PTPRD: variants seen among roughly 807,000 people sequenced by gnomAD.
The protein encoded by PTPRD is receptor-type tyrosine-protein phosphatase delta.
Under a neutral mutation model 214.5 loss-of-function variants are expected in PTPRD, and 34 were observed. The ratio of observed to expected loss-of-function variants is 0.16; its 90% CI spans 0.12 to 0.21. The LOEUF (loss-of-function observed/expected upper bound fraction) is 0.21. Among genes scored for constraint, PTPRD ranks in the 10% least tolerant of loss-of-function variants. The probability of loss-of-function intolerance (pLI) is 1.00; values close to 1 mark genes in which losing one functional copy is unlikely to be tolerated. For missense variants in PTPRD, 2,545 were observed against 2,398.7 expected (o/e 1.06, Z -1.27); for synonymous variants, 1,128 against 845.7 (o/e 1.33, Z -5.79).
intron 2 of PTPRD, among the ~76,000 whole-genome samples, chr9:10,417,016 G>A (rs892695331): frequency 6.6e-6 from 1 of 151,878 alleles, no homozygotes; most frequent in African/African-American, 2.4e-5. Flanking sequence ...GAGTTGCCTT[G>A]AATAGTAGAG....
At chr9:10,504,138 A>AAAAAAAAAAAAAAAAAAAG (rs1400766898) in intron 2 of PTPRD, among the ~76,000 whole-genome samples, 1 of 146,536 alleles carries the variant, frequency 6.8e-6, no homozygotes, top group African/African-American at 2.5e-5. Flanking sequence ...AAAAAAAAAA[A>AAAAAAAAAAAAAAAAAAAG]AAAGATGTAC....
At chr9:9,051,632 A>C (rs1381597143) in intron 10 of PTPRD, among the ~76,000 whole-genome samples, 4 of 152,128 alleles carry the variant, frequency 2.6e-5, no homozygotes, top group Non-Finnish European at 5.9e-5. Context: ...CCATTTAGAA[A>C]GCATTTTTGC....
At chr9:10,581,308 T>C (rs2071689415) in intron 2 of PTPRD, among the ~76,000 whole-genome samples, 1 of 152,164 alleles carries the variant, frequency 6.6e-6, no homozygotes, top group Non-Finnish European at 1.5e-5. Context: ...TTCCAAATTC[T>C]AAAGAAATAT....
At chr9:8,330,692 A>C (rs1217102862) in intron 44 of PTPRD, among the ~76,000 whole-genome samples, 1 of 152,172 alleles carries the variant, frequency 6.6e-6, no homozygotes, top group Admixed American at 6.5e-5. Context: ...CTTCATTATC[A>C]TAGAGCCAAA....
At chr9:10,313,873 T>C (rs1417869808) in intron 3 of PTPRD, among the ~76,000 whole-genome samples, 1 of 151,816 alleles carries the variant, frequency 6.6e-6, no homozygotes, top group Non-Finnish European at 1.5e-5. Context: ...TTACGATAGG[T>C]GCCATAGAGA....
intron 11 of PTPRD, among the ~76,000 whole-genome samples, chr9:8,752,107 T>C (rs928409875): frequency 2.0e-5 from 3 of 152,136 alleles, no homozygotes; most frequent in African/African-American, 7.2e-5. Flanking sequence ...AGAGCAACTT[T>C]ATCTTGAAAA....
At chr9:9,133,547 C>G (rs1317487829) in intron 10 of PTPRD, among the ~76,000 whole-genome samples, 2 of 151,990 alleles carry the variant, frequency 1.3e-5, no homozygotes, top group African/African-American at 4.8e-5. Flanking sequence ...GTGTGCATGG[C>G]AAGGGAAGCT....
intron 5 of PTPRD, among the ~76,000 whole-genome samples, chr9:9,887,113 G>A (rs372240585): frequency 6.6e-6 from 1 of 152,060 alleles, no homozygotes; most frequent in Non-Finnish European, 1.5e-5. Flanking sequence ...GAAACACAGT[G>A]ACTTACACAT....
intron 8 of PTPRD, among the ~76,000 whole-genome samples, chr9:9,510,431 G>A (rs373648113): frequency 1.3e-5 from 2 of 151,270 alleles, no homozygotes; most frequent in South Asian, 2.1e-4. Context: ...TGTGATTTAC[G>A]AAACATAGAT....
intron 11 of PTPRD, among the ~76,000 whole-genome samples, chr9:8,874,149 T>C (rs2098350201): frequency 6.6e-6 from 1 of 152,248 alleles, no homozygotes; most frequent in Non-Finnish European, 1.5e-5. Flanking sequence ...CCAGCCATTA[T>C]GAATAGTTTC....
chr9:9,117,428 T>A (rs891395028), intron 10 of PTPRD, among the ~76,000 whole-genome samples: 1 of 152,176 alleles, frequency 6.6e-6, no homozygotes, highest in Non-Finnish European at 1.5e-5. Flanking sequence ...TCAAATGAGA[T>A]AATGCACATG....
intron 10 of PTPRD, among the ~76,000 whole-genome samples, chr9:9,145,062 C>A (rs2099866404): frequency 6.6e-6 from 1 of 152,080 alleles, no homozygotes; most frequent in Non-Finnish European, 1.5e-5. Context: ...AAATCATAGG[C>A]CTGATAACTT....
intron 14 of PTPRD, among the ~76,000 whole-genome samples, chr9:8,610,076 T>C (rs1274626818): frequency 6.6e-6 from 1 of 152,162 alleles, no homozygotes; most frequent in East Asian, 1.9e-4. Context: ...ACCTGTAGAC[T>C]AAAGTGGTTT....
At chr9:9,186,706 T>C (rs2099931823) in intron 9 of PTPRD, among the ~76,000 whole-genome samples, 1 of 151,910 alleles carries the variant, frequency 6.6e-6, no homozygotes, top group Non-Finnish European at 1.5e-5. Flanking sequence ...AATACATATG[T>C]GTGTATGCAT....
intron 3 of PTPRD, among the ~76,000 whole-genome samples, chr9:10,258,853 T>C (rs1023024697): frequency 3.3e-5 from 5 of 152,234 alleles, no homozygotes; most frequent in Non-Finnish European, 7.3e-5. Flanking sequence ...TTTTTATACT[T>C]AATTTATAAT....
At chr9:8,802,691 C>T (rs1438943387) in intron 11 of PTPRD, among the ~76,000 whole-genome samples, 1 of 152,194 alleles carries the variant, frequency 6.6e-6, no homozygotes, top group East Asian at 1.9e-4. Flanking sequence ...TGACAACCCA[C>T]AACTAACATT....
At chr9:9,587,158 T>A (rs903398860) in intron 7 of PTPRD, among the ~76,000 whole-genome samples, 14 of 151,964 alleles carry the variant, frequency 9.2e-5, no homozygotes, top group Non-Finnish European at 1.9e-4. Context: ...AACTTCAGGC[T>A]TCTACTATTT....
chr9:8,457,792 A>G (rs982687282), intron 33 of PTPRD, among the ~76,000 whole-genome samples: 2 of 151,932 alleles, frequency 1.3e-5, no homozygotes, highest in African/African-American at 4.8e-5. Context: ...TATTCTGACA[A>G]TAATAATAAT....
At chr9:9,159,202 C>A (rs886835039) in intron 10 of PTPRD, among the ~76,000 whole-genome samples, 4 of 151,936 alleles carry the variant, frequency 2.6e-5, no homozygotes, top group Non-Finnish European at 5.9e-5. Context: ...AATTCCTAGC[C>A]ATAGTAATTA....
Sources: allele counts gnomAD v4.1 joint callset (sites outside exome capture counted in the v4.1 genomes callset), GRCh38; gene constraint gnomAD v4.1.1; transcripts MANE v1.5; gene names NCBI Gene and HGNC (gene_info 2026-07-23, HGNC 2026-07-21).